UNC5B: variants seen among roughly 807,000 people sequenced by gnomAD.
The protein encoded by UNC5B is unc-5 netrin receptor B, also known as netrin receptor UNC5B.
Under a neutral mutation model 103.7 loss-of-function variants are expected in UNC5B, and 56 were observed. The observed-to-expected ratio is 0.54, with a 90% CI of 0.44 to 0.67. The LOEUF (loss-of-function observed/expected upper bound fraction) is 0.67, where lower values mean the gene tolerates loss of function less well. Among genes scored for constraint, UNC5B ranks in the 30% least tolerant of loss-of-function variants. UNC5B has a pLI of 0.00. For missense variants in UNC5B, 1,194 were observed against 1,284.5 expected (o/e 0.93, Z 1.08); for synonymous variants, 577 against 542.0 (o/e 1.06, Z -0.90).
intron 1 of UNC5B, among the ~76,000 whole-genome samples, chr10:71,242,345 T>C (rs1299324440): frequency 2.0e-5 from 3 of 152,162 alleles, no homozygotes; most frequent in Admixed American, 6.5e-5. Context: ...GTAGTGCTCA[T>C]TGTGAGGTAC....
Position 71,295,925 on chromosome 10 carries a change from G to A in UNC5B, c.2290G>A (p.Ala764Thr). The change falls in exon 14 of 17, where the codon GCC (alanine) becomes ACC (threonine). Residue 764 changes from alanine to threonine, a missense_variant. Physicochemically the swap from Ala to Thr is moderately conservative, Grantham distance 58 (BLOSUM62 0). Coordinates refer to ENST00000335350, the MANE Select transcript of UNC5B (RefSeq NM_170744.5). Reference sequence around the variant, plus strand: ...CCTCTCCCTCCATGACCTCCCCCATGCCCATTGGAGGAGCAAGCTGCTGGC... The same window carrying A: ...CCTCTCCCTCCATGACCTCCCCCATACCCATTGGAGGAGCAAGCTGCTGGC... ...LRLSLHDLPH[A>T]HWRSKLLAKY... is the part of the protein sequence containing the mutation. 2 of 1,613,208 alleles carry A rather than the reference G, an allele frequency of 1.2e-6. No homozygotes were observed. Among genetic ancestry groups the A allele is most frequent in the Non-Finnish European group, 1.7e-6 (2 of 1,180,022 alleles).
rs1259375451 is a variant in UNC5B at position 71,213,373 on chromosome 10, G to C, written c.79+309G>C. On this transcript the variant is annotated intron_variant, in intron 1 of 16. Transcript: ENST00000335350. The surrounding 1 kb of genome is among the most constrained non-coding windows in gnomAD (Gnocchi z 4.1). ...AGTCTCCGGGAGGATCCGCCTCCTG[G>C]GGACGCCCGGCTCTCCGCGCGCCTG... Among the ~76,000 whole-genome samples, 2 of 152,104 alleles carry C rather than the reference G, an allele frequency of 1.3e-5. No homozygotes were observed. Among genetic ancestry groups the C allele is most frequent in the Non-Finnish European group, 2.9e-5 (2 of 68,016 alleles).
Position 71,302,565 on chromosome 10 carries a change from G to A in UNC5B, c.*3288G>A, listed in dbSNP as rs1261459391. ...GTGCAGGGGATCCTTCTCATCTCCT[G>A]GACCCTCCAGGGCACTCTGGTCCCT... On this transcript the variant is annotated 3_prime_UTR_variant, in exon 17 of 17. Coordinates refer to ENST00000335350, the MANE Select transcript of UNC5B (RefSeq NM_170744.5). The A allele has an allele frequency of 6.6e-6, 1 of 152,096 alleles. No individual in the cohort carries two copies. The highest frequency in any genetic ancestry group is 1.5e-5 in the Non-Finnish European group (1 of 68,024). The allele number at this position is 152,096 out of a possible 1,614,324, so 9.4% of individuals were successfully genotyped here. A position where few individuals can be genotyped will look rare whatever the true frequency, so the allele number is the denominator to read the frequency against.
intron 1 of UNC5B, among the ~76,000 whole-genome samples, chr10:71,238,245 AAC>A: frequency 6.6e-6 from 1 of 152,026 alleles, no homozygotes; most frequent in Non-Finnish European, 1.5e-5. Context: ...CTCAGGGGTA[AAC>A]TGTTCTGGAG....
intron 1 of UNC5B, among the ~76,000 whole-genome samples, chr10:71,256,317 G>A (rs564023888): frequency 3.9e-5 from 6 of 152,298 alleles, no homozygotes; most frequent in East Asian, 1.9e-4. Flanking sequence ...GCCTCCCTCC[G>A]CTGAGCCAGC....
intron 1 of UNC5B, among the ~76,000 whole-genome samples, chr10:71,228,813 C>G (rs1843623587): frequency 6.6e-6 from 1 of 152,192 alleles, no homozygotes; most frequent in African/African-American, 2.4e-5. Flanking sequence ...CTTGCGATGG[C>G]TCTGGGAGGA....
intron 13 of UNC5B, among the ~76,000 whole-genome samples, 186 bp from the exon 14 acceptor site, chr10:71,295,625 T>G (rs1845386902): frequency 6.6e-6 from 1 of 152,216 alleles, no homozygotes; most frequent in Non-Finnish European, 1.5e-5. Context: ...CTAGTCATCT[T>G]TCCCACTGTC....
chr10:71,237,646 A>G (rs1220902274), intron 1 of UNC5B, among the ~76,000 whole-genome samples: 1 of 152,226 alleles, frequency 6.6e-6, no homozygotes, highest in Non-Finnish European at 1.5e-5. Context: ...TGCAGCACCT[A>G]GTGTGAAGGA....
In UNC5B at chr10:71,293,899, T is replaced by C; in HGVS notation, c.2141T>C (p.Val714Ala). 1 of 1,604,622 alleles carries C rather than the reference T, an allele frequency of 6.2e-7. No homozygotes were observed. The highest frequency in any genetic ancestry group is 8.5e-7 in the Non-Finnish European group (1 of 1,179,554). The change falls in exon 13 of 17, where the codon GTC becomes GCC. Residue 714 changes from valine to alanine, a missense_variant. Transcript: ENST00000335350. ...ACCTCCCTGGAGTACAGCCTCCGGGTCTACTGCCTGGAGGACACGCCTGTA... is the reference window on the plus strand; with the variant it reads ...ACCTCCCTGGAGTACAGCCTCCGGGCCTACTGCCTGGAGGACACGCCTGTA... ...LCTSLEYSLR[V>A]YCLEDTPVAL...
rs538635453 is a variant in UNC5B, at chr10:71,220,105, T to C, written c.79+7041T>C. On this transcript the variant is annotated intron_variant, in intron 1 of 16. Coordinates refer to ENST00000335350, the MANE Select transcript of UNC5B (RefSeq NM_170744.5). The stretch of plus-strand genomic sequence containing the variant: ...CCATTCCACCTCCCAGCATCCCAGG[T>C]TCTACTGAATGTGTGCGCTTGGGTC... 3.1e-4 allele frequency among the ~76,000 whole-genome samples: 47 copies of C among 152,268 alleles called. No individual in the cohort carries two copies. The South Asian group carries it at 9.8e-3, about 32-fold the overall frequency.
At chr10:71,227,075 C>G (rs558783466) in intron 1 of UNC5B, among the ~76,000 whole-genome samples, 18 of 151,890 alleles carry the variant, frequency 1.2e-4, no homozygotes, top group African/African-American at 4.3e-4. Flanking sequence ...ACCTCCGCCT[C>G]CTGGGTTCAA....
intron 1 of UNC5B, among the ~76,000 whole-genome samples, chr10:71,219,996 C>A (rs1172184455): frequency 6.6e-6 from 1 of 152,208 alleles, no homozygotes; most frequent in East Asian, 1.9e-4. Context: ...TCTCCTTACT[C>A]TTGGGAAATT....
intron 3 of UNC5B, 39 bp downstream of exon 3, chr10:71,284,902 C>T: frequency 6.4e-7 from 1 of 1,550,862 alleles, no homozygotes; most frequent in Non-Finnish European, 8.7e-7. Flanking sequence ...CTGCAGGAAC[C>T]TTCCCCATCC....
Position 71,292,680 on chromosome 10 carries a change from C to T in UNC5B, c.1772+126C>T, listed in dbSNP as rs559687439. On this transcript the variant is annotated intron_variant, in intron 11 of 16. Transcript: ENST00000335350. ...TCCTCCAAGGAAAGTATTAATCTTACTGTGTCCATATTGAAAACTTGCAGA... is the reference window on the plus strand; with the variant it reads ...TCCTCCAAGGAAAGTATTAATCTTATTGTGTCCATATTGAAAACTTGCAGA... 7 of 785,074 alleles carry T rather than the reference C, an allele frequency of 8.9e-6. No individual in the cohort carries two copies. The African/African-American group carries it at 1.1e-4, about 12-fold the overall frequency. 48.6% of individuals were successfully genotyped at this position (785,074 alleles called of 1,614,324 possible). A position where few individuals can be genotyped will look rare whatever the true frequency, so the allele number is the denominator to read the frequency against.
intron 1 of UNC5B, among the ~76,000 whole-genome samples, chr10:71,226,924 TA>T (rs1843576189): frequency 6.6e-6 from 1 of 151,290 alleles, no homozygotes; most frequent in Non-Finnish European, 1.5e-5. Flanking sequence ...TACTCAGTCA[TA>T]AAAAGGAATG....
chr10:71,213,829 G>A lies in UNC5B; in HGVS notation c.79+765G>A, dbSNP rs1843281649. Among the ~76,000 whole-genome samples, 1 of 147,380 alleles carries A rather than the reference G, an allele frequency of 6.8e-6. No homozygotes were observed. Among genetic ancestry groups the A allele is most frequent in the Admixed American group, 6.8e-5 (1 of 14,782 alleles). Reference sequence around the variant, plus strand: ...TTTTAAATTGGTCACTGACATTCTCGCTGTCCGGGGAACAGACTAGGTGCG... The same window carrying A: ...TTTTAAATTGGTCACTGACATTCTCACTGTCCGGGGAACAGACTAGGTGCG... On this transcript the variant is annotated intron_variant, in intron 1 of 16. Transcript: ENST00000335350. This position sits in a 1 kb window ranked among gnomAD's most constrained non-coding sequence, Gnocchi z 4.1.
intron 10 of UNC5B, among the ~76,000 whole-genome samples, chr10:71,292,190 C>T (rs1455139712): frequency 6.6e-6 from 1 of 152,164 alleles, no homozygotes; most frequent in African/African-American, 2.4e-5. Context: ...TTAACAGCTT[C>T]CCAGCATCAT....
chr10:71,232,960 G>A (rs1374288659), intron 1 of UNC5B, among the ~76,000 whole-genome samples: 1 of 152,224 alleles, frequency 6.6e-6, no homozygotes, highest in Non-Finnish European at 1.5e-5. Flanking sequence ...TGTACACAAA[G>A]CTGCGACCTT....
chr10:71,275,268 T>C (rs544120375), intron 1 of UNC5B, among the ~76,000 whole-genome samples: 1 of 152,330 alleles, frequency 6.6e-6, no homozygotes, highest in South Asian at 2.1e-4. Flanking sequence ...GAAAAAACAC[T>C]TCATGTGGGA....
Sources: allele counts gnomAD v4.1 joint callset (sites outside exome capture counted in the v4.1 genomes callset), GRCh38; gene constraint gnomAD v4.1.1; non-coding constraint Gnocchi (gnomAD v3.1); transcripts MANE v1.5; gene names NCBI Gene and HGNC (gene_info 2026-07-23, HGNC 2026-07-21).